Variants in DOK6 observed in about 807,000 individuals in gnomAD.
The protein encoded by DOK6 is downstream of tyrosine kinase 6.
Under a neutral mutation model 44.0 loss-of-function variants are expected in DOK6, and 22 were observed. The ratio of observed to expected loss-of-function variants is 0.50; its 90% CI spans 0.36 to 0.71. The LOEUF is 0.71. DOK6 is among the 30% of genes least tolerant of loss of function. The probability of loss-of-function intolerance (pLI) is 0.00; values close to 1 mark genes in which losing one functional copy is unlikely to be tolerated. For synonymous variants in DOK6, 166 were observed against 145.5 expected, an observed-to-expected ratio of 1.14 and a Z score of -1.01; for missense variants, 340 against 416.4, an observed-to-expected ratio of 0.82 and a Z score of 1.60.
intron 3 of DOK6, among the ~76,000 whole-genome samples, chr18:69,623,821 T>G (rs1984497188): frequency 6.6e-6 from 1 of 152,202 alleles, no homozygotes; most frequent in African/African-American, 2.4e-5. Flanking sequence ...AATGACATAA[T>G]TAGTAAGTGC....
chr18:69,701,378 T>A (rs545539841), intron 5 of DOK6, among the ~76,000 whole-genome samples: 4 of 152,190 alleles, frequency 2.6e-5, no homozygotes, highest in Non-Finnish European at 5.9e-5. Context: ...AAACAACCAA[T>A]TTGCCATGCA....
In DOK6 at chr18:69,407,157, A is replaced by G. The variant is rs1217051005; in HGVS notation, c.66+5847A>G. Among the ~76,000 whole-genome samples the G allele has an allele frequency of 2.0e-5, 3 of 152,240 alleles. 1 individual carries two copies. Among genetic ancestry groups the G allele is most frequent in the Non-Finnish European group, 2.9e-5 (2 of 68,034 alleles). On this transcript the variant is annotated intron_variant, in intron 1 of 7. Coordinates refer to ENST00000382713, the MANE Select transcript of DOK6 (RefSeq NM_152721.6). ...TTTCAAAGTATTTTTATTAGTTAGC[A>G]TTGCCCTCTTTGGATCATAAACCAT...
intron 5 of DOK6, among the ~76,000 whole-genome samples, chr18:69,733,191 G>GA (rs34142470): frequency 0.11 from 15,799 of 146,728 alleles, 823 homozygotes; most frequent in Middle Eastern, 0.16. Context: ...TTGTCTCTAT[G>GA]AAAAAAAAAA....
rs112468080 is a variant in DOK6, at chr18:69,688,633, T to C, written c.410-9771T>C. The stretch of plus-strand genomic sequence containing the variant: ...CGCCTCCTGGGTTCAAGTGATTCTC[T>C]TGCCTCAGTCTCCCGAGCAGCTGGG... On this transcript the variant is annotated intron_variant, in intron 4 of 7. Coordinates refer to ENST00000382713, the MANE Select transcript of DOK6 (RefSeq NM_152721.6). Among the ~76,000 whole-genome samples, 415 of 152,202 alleles carry C rather than the reference T, an allele frequency of 2.7e-3. 1 individual carries two copies. The highest frequency in any genetic ancestry group is 4.9e-3 in the Non-Finnish European group (333 of 67,990).
At chr18:69,472,038 T>G (rs1980127857) in intron 1 of DOK6, among the ~76,000 whole-genome samples, 1 of 152,206 alleles carries the variant, frequency 6.6e-6, no homozygotes, top group Admixed American at 6.5e-5. Flanking sequence ...GTCAGGGCTT[T>G]ACATGCATTA....
chr18:69,533,298 A>G (rs2144575125), intron 1 of DOK6, among the ~76,000 whole-genome samples: 1 of 152,188 alleles, frequency 6.6e-6, no homozygotes, highest in Middle Eastern at 3.4e-3. Context: ...AGTTCTGACA[A>G]TTTTTCTCCT....
intron 3 of DOK6, among the ~76,000 whole-genome samples, chr18:69,648,406 C>T (rs1268585478): frequency 6.6e-6 from 1 of 152,052 alleles, no homozygotes; most frequent in Non-Finnish European, 1.5e-5. Context: ...AACAAATGTG[C>T]ACATTGTATT....
chr18:69,564,399 A>T, intron 1 of DOK6, 88 bp from the exon 2 acceptor site: 2 of 1,074,466 alleles, frequency 1.9e-6, no homozygotes, highest in Non-Finnish European at 2.7e-6. Flanking sequence ...TCTGAAGTAC[A>T]CTTAAAAAAT....
At chr18:69,733,108 T>A (rs1035654650) in intron 5 of DOK6, among the ~76,000 whole-genome samples, 1 of 152,102 alleles carries the variant, frequency 6.6e-6, no homozygotes, top group East Asian at 1.9e-4. Context: ...GTGGGCAGAT[T>A]ACTTGAGCGC....
At chr18:69,534,040 G>T (rs1185010392) in intron 1 of DOK6, among the ~76,000 whole-genome samples, 1 of 152,054 alleles carries the variant, frequency 6.6e-6, no homozygotes, top group East Asian at 1.9e-4. Flanking sequence ...CTCAGGCACT[G>T]GCACAAAAGT....
chr18:69,841,152 T>C (rs1053372973), intron 7 of DOK6, 92 bp from the exon 8 acceptor site: 77 of 1,482,364 alleles, frequency 5.2e-5, no homozygotes, highest in Non-Finnish European at 6.4e-5. Context: ...CTTAAAAATA[T>C]AGATAGATAG....
intron 1 of DOK6, among the ~76,000 whole-genome samples, chr18:69,490,159 A>C (rs1288393678): frequency 1.3e-5 from 2 of 152,134 alleles, no homozygotes. Context: ...AAGCAAAACA[A>C]ACTTCTTGCT....
intron 1 of DOK6, among the ~76,000 whole-genome samples, chr18:69,542,109 G>T (rs994989694): frequency 2.0e-5 from 3 of 151,388 alleles, no homozygotes; most frequent in African/African-American, 7.3e-5. Context: ...TAGACAACTG[G>T]ATGCTCTCAA....
At chr18:69,694,003 G>A (rs539730791) in intron 4 of DOK6, among the ~76,000 whole-genome samples, 7 of 140,720 alleles carry the variant, frequency 5.0e-5, no homozygotes, top group Admixed American at 3.0e-4. Context: ...AGCTTGCAGC[G>A]AGCCGAGATC....
rs538434808 is a variant in DOK6, at chr18:69,548,264, T to TA, written c.67-16223_67-16222insA. Among the ~76,000 whole-genome samples the TA allele has an allele frequency of 2.0e-3, 310 of 151,636 alleles. 8 individuals are homozygous for TA. Among genetic ancestry groups the TA allele is most frequent in the Non-Finnish European group, 3.4e-3 (229 of 67,772 alleles). ...CACCGCGCCTGCCCTCATATATATA[T>TA]TTTTTTAATCCAGTTGTCCATTGAC... On this transcript the variant is annotated intron_variant, in intron 1 of 7. Coordinates refer to ENST00000382713, the MANE Select transcript of DOK6 (RefSeq NM_152721.6).
chr18:69,424,363 C>T (rs1372766), intron 1 of DOK6, among the ~76,000 whole-genome samples: 78,030 of 151,994 alleles, frequency 0.51, 20,567 homozygotes, highest in South Asian at 0.68. Context: ...TTTCTCTGCA[C>T]TTTGAACATG....
chr18:69,758,479 ATT>A (rs10570084), intron 7 of DOK6, among the ~76,000 whole-genome samples: 98,129 of 151,100 alleles, frequency 0.65, 34,073 homozygotes, highest in Non-Finnish European at 0.78. Context: ...TAGCTAGCAG[ATT>A]TTTTTTTTTT....
chr18:69,670,790 G>A (rs1303625745), intron 3 of DOK6, among the ~76,000 whole-genome samples: 1 of 152,034 alleles, frequency 6.6e-6, no homozygotes, highest in Non-Finnish European at 1.5e-5. Context: ...TTGTGGGCAT[G>A]AGCCACCGTG....
rs530268587 is a variant in DOK6, at chr18:69,484,906, C to T, written c.67-79581C>T. Among the ~76,000 whole-genome samples, 4 of 152,160 alleles carry T rather than the reference C, an allele frequency of 2.6e-5. No individual in the cohort carries two copies. The South Asian group carries it at 8.3e-4, about 32-fold the overall frequency. ...AATAAATAGAACTCTGGAAAAGACA[C>T]TTGTTTATAGTTAAGAGAGCTGGAA... On this transcript the variant is annotated intron_variant, in intron 1 of 7. Coordinates refer to ENST00000382713, the MANE Select transcript of DOK6 (RefSeq NM_152721.6).
Sources: gnomAD v4.1 joint callset for allele counts (sites outside exome capture counted in the v4.1 genomes callset) on GRCh38, gnomAD v4.1.1 for gene constraint, MANE v1.5 for transcripts, NCBI Gene and HGNC (gene_info 2026-07-23, HGNC 2026-07-21) for gene names.